The following SLC6A11 variants were observed in gnomAD, a reference collection of about 807,000 sequenced individuals.
SLC6A11 encodes the protein sodium- and chloride-dependent GABA transporter 3.
A neutral mutation model predicts 74.8 loss-of-function variants in SLC6A11; 25 were observed. The observed-to-expected ratio is 0.33, with a 90% CI of 0.24 to 0.47. The LOEUF is 0.47. SLC6A11 is among the 20% of genes least tolerant of loss of function. SLC6A11 has a pLI of 1.00. For synonymous variants in SLC6A11, 330 were observed against 330.2 expected (o/e 1.00, Z 0.01); for missense variants, 574 against 837.0 (o/e 0.69, Z 3.88).
At chr3:10,930,600 T>TA (rs1277555828) in intron 10 of SLC6A11, among the ~76,000 whole-genome samples, 2 of 152,160 alleles carry the variant, frequency 1.3e-5, no homozygotes, top group African/African-American at 4.8e-5. Flanking sequence ...ACTGATTAAT[T>TA]AGAGTCTCTC....
chr3:10,905,997 G>A (rs1011454201), intron 6 of SLC6A11, among the ~76,000 whole-genome samples: 2 of 152,106 alleles, frequency 1.3e-5, no homozygotes, highest in African/African-American at 2.4e-5. Flanking sequence ...CCCAGACATC[G>A]ATATGTAGCC....
intron 8 of SLC6A11, among the ~76,000 whole-genome samples, chr3:10,919,435 A>C (rs1695506257): frequency 6.6e-6 from 1 of 152,186 alleles, no homozygotes; most frequent in South Asian, 2.1e-4. Context: ...ACTCAAGGCC[A>C]GTCCTGCCCC....
At chr3:10,822,365 T>C (rs1286694714) in intron 3 of SLC6A11, among the ~76,000 whole-genome samples, 1 of 152,108 alleles carries the variant, frequency 6.6e-6, no homozygotes, top group African/African-American at 2.4e-5. Context: ...GGTCCCATGG[T>C]AGTGGGCTTT....
chr3:10,935,879 A>C (rs1695754033), intron 13 of SLC6A11, among the ~76,000 whole-genome samples: 1 of 152,156 alleles, frequency 6.6e-6, no homozygotes, highest in African/African-American at 2.4e-5. Flanking sequence ...TTGTCCTAAT[A>C]AGAGTCCTCA....
chr3:10,930,178 C>G (rs1163889133), intron 10 of SLC6A11, among the ~76,000 whole-genome samples: 1 of 152,184 alleles, frequency 6.6e-6, no homozygotes, highest in Non-Finnish European at 1.5e-5. Flanking sequence ...CTCATCCCCC[C>G]ACTTTCCAAC....
chr3:10,843,695 C>T (rs1694466661), intron 4 of SLC6A11, among the ~76,000 whole-genome samples: 1 of 152,196 alleles, frequency 6.6e-6, no homozygotes, highest in Non-Finnish European at 1.5e-5. Flanking sequence ...CTTTTCAAGG[C>T]TCTGTCTTGA....
chr3:10,913,403 G>A (rs1208502298), intron 7 of SLC6A11, among the ~76,000 whole-genome samples: 1 of 152,174 alleles, frequency 6.6e-6, no homozygotes, highest in Non-Finnish European at 1.5e-5. Context: ...AGTCAGAGGT[G>A]GGGAGGTGGG....
In SLC6A11 at chr3:10,918,576, C is replaced by T; in HGVS notation, c.1120+123C>T. On this transcript the variant is annotated intron_variant, in intron 8 of 13. Coordinates refer to ENST00000254488, the MANE Select transcript of SLC6A11 (RefSeq NM_014229.3). This position sits in a 1 kb window ranked among gnomAD's most constrained non-coding sequence, Gnocchi z 4.5. Reference sequence around the variant, plus strand: ...CCTGGATTCAGGCCTCAGAAAGGGGCCCCACCATTCATCCACAATCCAGGA... The same window carrying T: ...CCTGGATTCAGGCCTCAGAAAGGGGTCCCACCATTCATCCACAATCCAGGA... 2 of 1,079,028 alleles carry T rather than the reference C, an allele frequency of 1.9e-6. No homozygotes were observed. The highest frequency in any genetic ancestry group is 1.3e-6 in the Non-Finnish European group (1 of 780,530). The allele number at this position is 1,079,028 out of a possible 1,614,324, so 66.8% of individuals were successfully genotyped here.
At chr3:10,845,672 C>T (rs370014276) in intron 5 of SLC6A11, among the ~76,000 whole-genome samples, 5 of 152,224 alleles carry the variant, frequency 3.3e-5, no homozygotes, top group East Asian at 1.9e-4. Flanking sequence ...CTCCATGCTA[C>T]GGGCTATCTG....
chr3:10,845,393 A>G (rs1694490597), intron 5 of SLC6A11, among the ~76,000 whole-genome samples: 1 of 152,144 alleles, frequency 6.6e-6, no homozygotes, highest in African/African-American at 2.4e-5. Flanking sequence ...TTCTTACGAA[A>G]AAGAGGGAAA....
chr3:10,906,641 G>A (rs1695306275), intron 6 of SLC6A11, among the ~76,000 whole-genome samples: 3 of 152,136 alleles, frequency 2.0e-5, no homozygotes, highest in South Asian at 4.2e-4. Flanking sequence ...GCAAATTTGG[G>A]CAGAGGTCTG....
chr3:10,871,547 G>A (rs1694828689), intron 5 of SLC6A11, among the ~76,000 whole-genome samples: 2 of 152,052 alleles, frequency 1.3e-5, no homozygotes, highest in African/African-American at 4.8e-5. Flanking sequence ...TGGTTGGGGG[G>A]GAGGGGGTGA....
At chr3:10,922,521 A>G (rs193151856) in intron 8 of SLC6A11, among the ~76,000 whole-genome samples, 3 of 152,298 alleles carry the variant, frequency 2.0e-5, no homozygotes, top group Non-Finnish European at 4.4e-5. Context: ...GTGCAAAAGA[A>G]ATACAGAAAG....
At chr3:10,931,319 T>C (rs1695682561) in intron 10 of SLC6A11, among the ~76,000 whole-genome samples, 1 of 152,222 alleles carries the variant, frequency 6.6e-6, no homozygotes, top group Non-Finnish European at 1.5e-5. Context: ...CACAGCCTGC[T>C]ACTTGCTGAA....
intron 1 of SLC6A11, among the ~76,000 whole-genome samples, chr3:10,818,073 T>G (rs1417368001): frequency 2.0e-5 from 3 of 150,462 alleles, no homozygotes; most frequent in African/African-American, 7.4e-5. Context: ...CACAGATTTT[T>G]TTTTTTTTTT....
At chr3:10,836,213 T>A (rs1694365061) in intron 4 of SLC6A11, among the ~76,000 whole-genome samples, 1 of 152,246 alleles carries the variant, frequency 6.6e-6, no homozygotes, top group Non-Finnish European at 1.5e-5. Flanking sequence ...CTTTTGTAGC[T>A]GTATAAAATA....
chr3:10,851,568 T>G (rs1238719202), intron 5 of SLC6A11, among the ~76,000 whole-genome samples: 1 of 152,200 alleles, frequency 6.6e-6, no homozygotes, highest in Non-Finnish European at 1.5e-5. Context: ...TGGAGGATGG[T>G]CATTGCAAGG....
chr3:10,934,138 G>A lies in SLC6A11; in HGVS notation c.1547G>A (p.Trp516Ter). Residue 516 changes from tryptophan to a stop codon, truncating the protein, a stop_gained, in exon 12 of 14, where the codon TGG (tryptophan) becomes TAG (stop). Transcript: ENST00000254488. LOFTEE classifies it high-confidence loss of function. ...YRPPSLIKWCWMIMTPGICAG... is the reference protein window; with the variant it reads ...YRPPSLIKWC ...CCACCGTCGCTCATTAAGTGGTGCT[G>A]GATGATCATGACCCCTGGGATCTGC... The A allele has an allele frequency of 6.2e-7, 1 of 1,613,590 alleles. No homozygotes were observed. Among genetic ancestry groups the A allele is most frequent in the Non-Finnish European group, 8.5e-7 (1 of 1,179,476 alleles).
At chr3:10,835,693 G>A (rs1559555327) in intron 4 of SLC6A11, among the ~76,000 whole-genome samples, 4 of 152,284 alleles carry the variant, frequency 2.6e-5, no homozygotes, top group South Asian at 2.1e-4. Context: ...TTGTGATCTC[G>A]GACAAGGTAG....
Sources: gnomAD v4.1 joint callset for allele counts (sites outside exome capture counted in the v4.1 genomes callset) on GRCh38, gnomAD v4.1.1 for gene constraint, Gnocchi (gnomAD v3.1) non-coding constraint, MANE v1.5 for transcripts, NCBI Gene and HGNC (gene_info 2026-07-23, HGNC 2026-07-21) for gene names.